The following PEBP4 variants were observed in gnomAD, a reference collection of about 807,000 sequenced individuals.
The protein encoded by PEBP4 is phosphatidylethanolamine-binding protein 4.
PEBP4 carries 22 observed loss-of-function variants against 23.9 expected under a neutral mutation model. That is an observed-to-expected ratio of 0.92 (90% CI 0.66 to 1.31). PEBP4 has a LOEUF of 1.31. Ranked by LOEUF, PEBP4 falls within the 40% of genes most tolerant of loss-of-function variation. The pLI is 0.00. For missense variants in PEBP4, 324 were observed against 281.7 expected (o/e 1.15, Z -1.07); for synonymous variants, 112 against 99.3 (o/e 1.13, Z -0.76).
At position 22,849,990 on chromosome 8, in the gene PEBP4, C is replaced by A. The variant is rs117240857; in HGVS notation, c.259-32255G>T. On this transcript the variant is annotated intron_variant, in intron 3 of 6. Coordinates refer to ENST00000256404, the MANE Select transcript of PEBP4 (RefSeq NM_144962.3). ...AATAGTGATCAAATTAGGGTGGGGG[C>A]AGTGGGCACAGAAGAGCTTGTGTAT... 7.5e-3 allele frequency among the ~76,000 whole-genome samples: 1,144 copies of A among 151,748 alleles called. 32 individuals carry two copies. Among genetic ancestry groups the A allele is most frequent in the Admixed American group, 0.049 (749 of 15,224 alleles).
In PEBP4 at chr8:22,904,867, A is replaced by C. The variant is rs576236582; in HGVS notation, c.258+15317T>G. ...ATATGGATAGAGCACATTTTATTTA[A>C]CCAATCTATTGTTGAACATTTAAGA... On this transcript the variant is annotated intron_variant, in intron 3 of 6. Coordinates refer to ENST00000256404, the MANE Select transcript of PEBP4 (RefSeq NM_144962.3). Among the ~76,000 whole-genome samples, 16 of 152,346 alleles carry C rather than the reference A, an allele frequency of 1.1e-4. 1 individual carries two copies. Among genetic ancestry groups the C allele is most frequent in the African/African-American group, 3.4e-4 (14 of 41,588 alleles).
At chr8:22,790,045 C>T (rs1237892402) in intron 4 of PEBP4, among the ~76,000 whole-genome samples, 1 of 152,236 alleles carries the variant, frequency 6.6e-6, no homozygotes, top group Non-Finnish European at 1.5e-5. Flanking sequence ...TCATCCCTCT[C>T]CTGGGCCACT....
chr8:22,843,054 C>A (rs926433070), intron 3 of PEBP4, among the ~76,000 whole-genome samples: 27 of 152,212 alleles, frequency 1.8e-4, no homozygotes, highest in Non-Finnish European at 3.7e-4. Flanking sequence ...TCTCGAACTC[C>A]TGACCTTAGG....
chr8:22,772,747 C>T (rs915796135), intron 4 of PEBP4, among the ~76,000 whole-genome samples: 2 of 152,154 alleles, frequency 1.3e-5, no homozygotes, highest in African/African-American at 4.8e-5. Context: ...CTACTGTCTC[C>T]TCTACCTGAA....
intron 3 of PEBP4, among the ~76,000 whole-genome samples, chr8:22,915,476 C>T (rs1009888300): frequency 3.3e-5 from 5 of 152,052 alleles, no homozygotes; most frequent in African/African-American, 1.2e-4. Context: ...TCACTGACAC[C>T]CTGTGTCCCC....
At position 22,717,456 on chromosome 8, in the gene PEBP4, ATTTCCATCCTGATG is replaced by A. The variant is rs1490358110; in HGVS notation, c.518-3934_518-3921del. Among the ~76,000 whole-genome samples, 193 of 58,246 alleles carry A rather than the reference ATTTCCATCCTGATG, an allele frequency of 3.3e-3. 1 individual carries two copies. The highest frequency in any genetic ancestry group is 0.018 in the African/African-American group (183 of 10,314). The allele number at this position is 58,246 out of a possible 152,430, so 38.2% of individuals were successfully genotyped here. On this transcript the variant is annotated intron_variant, in intron 6 of 6. Coordinates refer to ENST00000256404, the MANE Select transcript of PEBP4 (RefSeq NM_144962.3). Reference sequence around the variant, plus strand: ...GTCCTCAGTATTTCCGTCCTGATGTATTTCCATCCTGATGTACTTCCCTCTTAGCCTGGGAAGTG... The same window carrying A: ...GTCCTCAGTATTTCCGTCCTGATGTATACTTCCCTCTTAGCCTGGGAAGTG...
intron 3 of PEBP4, among the ~76,000 whole-genome samples, chr8:22,916,760 G>A (rs1319774126): frequency 3.3e-5 from 5 of 152,184 alleles, no homozygotes; most frequent in South Asian, 4.1e-4. Flanking sequence ...TGGGGCCCAC[G>A]GGTGACTCAA....
intron 4 of PEBP4, among the ~76,000 whole-genome samples, chr8:22,752,082 T>C (rs944377007): frequency 1.3e-5 from 2 of 152,164 alleles, no homozygotes; most frequent in Non-Finnish European, 2.9e-5. Flanking sequence ...AAAAGTTTTA[T>C]ATTTTATAGA....
In PEBP4 at chr8:22,775,418, C is replaced by G. The variant is rs995591981; in HGVS notation, c.357+42219G>C. Among the ~76,000 whole-genome samples the G allele has an allele frequency of 1.3e-5, 2 of 152,138 alleles. No individual in the cohort carries two copies. The highest frequency in any genetic ancestry group is 2.9e-5 in the Non-Finnish European group (2 of 68,038). On this transcript the variant is annotated intron_variant, in intron 4 of 6. Transcript: ENST00000256404. The surrounding 1 kb of genome is among the most constrained non-coding windows in gnomAD (Gnocchi z 4.8). ...CAAGGAGCGGCCTTGCCAACCAATC[C>G]CTCCTTTACAACCATGCCGGGAGGG...
intron 2 of PEBP4, chr8:22,924,550 G>T (rs766090855): frequency 1.8e-6 from 1 of 567,666 alleles, no homozygotes; most frequent in African/African-American, 2.0e-5. Context: ...TCGTGGATCC[G>T]CACTACAACA....
chr8:22,739,663 C>G (rs546157424), intron 4 of PEBP4, among the ~76,000 whole-genome samples: 1 of 152,160 alleles, frequency 6.6e-6, no homozygotes, highest in Admixed American at 6.5e-5. Context: ...CTGACTGATG[C>G]CCCCCTCCCC....
At chr8:22,911,760 G>A (rs185012199) in intron 3 of PEBP4, among the ~76,000 whole-genome samples, 4 of 152,318 alleles carry the variant, frequency 2.6e-5, no homozygotes, top group South Asian at 4.1e-4. Context: ...CTACACTGAC[G>A]CTTGTTCAAT....
intron 4 of PEBP4, among the ~76,000 whole-genome samples, chr8:22,760,377 T>C (rs1201810705): frequency 6.6e-6 from 1 of 152,178 alleles, no homozygotes; most frequent in African/African-American, 2.4e-5. Context: ...TAAACGTTTA[T>C]GGGTCTGGTA....
At chr8:22,765,737 C>T (rs377411615) in intron 4 of PEBP4, among the ~76,000 whole-genome samples, 12 of 152,258 alleles carry the variant, frequency 7.9e-5, no homozygotes, top group South Asian at 2.1e-4. Context: ...ATTCGCTCCA[C>T]GCTGCGGGTG....
At chr8:22,872,716 AC>A (rs35073043) in intron 3 of PEBP4, among the ~76,000 whole-genome samples, 4,105 of 152,262 alleles carry the variant, frequency 0.027, 82 homozygotes, top group Non-Finnish European at 0.038. Flanking sequence ...TTGCTCTGTC[AC>A]CCAGGCTGGA....
intron 3 of PEBP4, among the ~76,000 whole-genome samples, chr8:22,919,323 C>A (rs1201572985): frequency 6.6e-6 from 1 of 152,210 alleles, no homozygotes; most frequent in Non-Finnish European, 1.5e-5. Context: ...CTTCCATCTC[C>A]AGGCATTTGT....
chr8:22,770,220 G>A (rs1345761799), intron 4 of PEBP4, among the ~76,000 whole-genome samples: 4 of 152,192 alleles, frequency 2.6e-5, no homozygotes, highest in African/African-American at 9.7e-5. Context: ...TCTGGGACTG[G>A]GTCAGTGGCT....
At chr8:22,828,809 A>G (rs1389462035) in intron 3 of PEBP4, among the ~76,000 whole-genome samples, 1 of 152,068 alleles carries the variant, frequency 6.6e-6, no homozygotes, top group Non-Finnish European at 1.5e-5. Flanking sequence ...CAGCCACCCA[A>G]CACCATGGCC....
intron 4 of PEBP4, among the ~76,000 whole-genome samples, chr8:22,769,820 A>G (rs1805682678): frequency 6.6e-6 from 1 of 152,186 alleles, no homozygotes; most frequent in South Asian, 2.1e-4. Context: ...TTTAGAAAAT[A>G]CCAATAACCA....
Sources: gnomAD v4.1 joint callset for allele counts (sites outside exome capture counted in the v4.1 genomes callset) on GRCh38, gnomAD v4.1.1 for gene constraint, Gnocchi (gnomAD v3.1) non-coding constraint, MANE v1.5 for transcripts, NCBI Gene and HGNC (gene_info 2026-07-23, HGNC 2026-07-21) for gene names.